Variants in PCP4 observed in about 807,000 individuals in gnomAD.
PCP4 encodes the protein Purkinje cell protein 4, also known as calmodulin regulator protein PCP4.
Under a neutral mutation model 10.0 loss-of-function variants are expected in PCP4, and 8 were observed. That is an observed-to-expected ratio of 0.80 (90% CI 0.47 to 1.45). The LOEUF (loss-of-function observed/expected upper bound fraction) is 1.45. Ranked by LOEUF, PCP4 falls within the 40% of genes most tolerant of loss-of-function variation. PCP4 has a pLI of 0.00. For missense variants in PCP4, 54 were observed against 74.4 expected (o/e 0.73, Z 1.01); for synonymous variants, 21 against 23.0 (o/e 0.91, Z 0.24).
chr21:39,901,601 A>G (rs2087482678), intron 2 of PCP4, among the ~76,000 whole-genome samples: 1 of 152,224 alleles, frequency 6.6e-6, no homozygotes, highest in Non-Finnish European at 1.5e-5. Context: ...AAACTGAGTG[A>G]GGTTTTTTAT....
At chr21:39,895,067 ACACCCATTCATCCATCCACC>A (rs1326844307) in intron 1 of PCP4, among the ~76,000 whole-genome samples, 1 of 151,048 alleles carries the variant, frequency 6.6e-6, no homozygotes, top group Non-Finnish European at 1.5e-5. Flanking sequence ...ATTCATCCAC[ACACCCATTCATCCATCCACC>A]CACCCATCCA....
rs1000218430 is a variant in PCP4, at chr21:39,928,014, T to C, written c.62-970T>C. On this transcript the variant is annotated intron_variant, in intron 2 of 2. Transcript: ENST00000328619. ...TGATGAATCTGATGTTTAGCCTTCA[T>C]CAGACTAGAGGCATTTATTATTTTA... 1.1e-4 allele frequency among the ~76,000 whole-genome samples: 17 copies of C among 152,340 alleles called. 1 individual carries two copies. The highest frequency in any genetic ancestry group is 9.1e-4 in the Admixed American group (14 of 15,304).
At chr21:39,869,802 T>A (rs1475058883) in intron 1 of PCP4, among the ~76,000 whole-genome samples, 2 of 152,264 alleles carry the variant, frequency 1.3e-5, no homozygotes, top group East Asian at 3.8e-4. Context: ...GTTGGATGAA[T>A]TAAATGTGGC....
intron 2 of PCP4, among the ~76,000 whole-genome samples, chr21:39,912,359 C>T (rs1465140479): frequency 6.7e-6 from 1 of 149,998 alleles, no homozygotes; most frequent in East Asian, 2.0e-4. Context: ...ATTTTTGATC[C>T]TGTTGCCCTG....
chr21:39,915,599 T>C (rs2037826069), intron 2 of PCP4, among the ~76,000 whole-genome samples: 1 of 152,216 alleles, frequency 6.6e-6, no homozygotes, highest in Admixed American at 6.5e-5. Context: ...ATCAAGCATC[T>C]GTCACTGTTT....
intron 1 of PCP4, among the ~76,000 whole-genome samples, chr21:39,869,400 C>T (rs1293437420): frequency 6.6e-6 from 1 of 152,232 alleles, no homozygotes; most frequent in South Asian, 2.1e-4. Context: ...GTCACCGCCC[C>T]GCCATGGCGC....
intron 1 of PCP4, among the ~76,000 whole-genome samples, chr21:39,888,651 G>A (rs1465208968): frequency 2.6e-5 from 4 of 152,200 alleles, no homozygotes; most frequent in South Asian, 4.1e-4. Flanking sequence ...TCATTCTTGG[G>A]TCTCAGCTCC....
chr21:39,894,925 A>C (rs1435585940), intron 1 of PCP4, among the ~76,000 whole-genome samples: 1 of 152,184 alleles, frequency 6.6e-6, no homozygotes, highest in Non-Finnish European at 1.5e-5. Flanking sequence ...TCACGTCATG[A>C]AAAAGAATCT....
chr21:39,925,107 C>G (rs1281683554), intron 2 of PCP4, among the ~76,000 whole-genome samples: 2 of 152,228 alleles, frequency 1.3e-5, no homozygotes, highest in Non-Finnish European at 2.9e-5. Flanking sequence ...CCCCATGAAA[C>G]AGCAGTGCTC....
At chr21:39,914,736 T>C (rs1190305484) in intron 2 of PCP4, among the ~76,000 whole-genome samples, 23 of 152,178 alleles carry the variant, frequency 1.5e-4, no homozygotes, top group Admixed American at 1.5e-3. Context: ...GTAATTATGA[T>C]TGCATTTGAC....
At chr21:39,911,291 C>T (rs2087538856) in intron 2 of PCP4, among the ~76,000 whole-genome samples, 6 of 152,096 alleles carry the variant, frequency 3.9e-5, no homozygotes, top group Admixed American at 3.9e-4. Flanking sequence ...GAAAATTTAA[C>T]ATTTCCTCTA....
chr21:39,894,544 CTAACA>C (rs2087448135), intron 1 of PCP4, among the ~76,000 whole-genome samples: 1 of 152,130 alleles, frequency 6.6e-6, no homozygotes, highest in South Asian at 2.1e-4. Flanking sequence ...TCTGCATAAC[CTAACA>C]TATTAAGCTA....
chr21:39,897,385 C>CAAA (rs34312418), intron 1 of PCP4, among the ~76,000 whole-genome samples: 2 of 87,650 alleles, frequency 2.3e-5, no homozygotes, highest in African/African-American at 4.1e-5. Flanking sequence ...GACTCTGTCT[C>CAAA]AAAAAAAAAA....
intron 2 of PCP4, among the ~76,000 whole-genome samples, chr21:39,899,167 A>G (rs2087471085): frequency 6.6e-6 from 1 of 152,184 alleles, no homozygotes; most frequent in African/African-American, 2.4e-5. Context: ...TGGGAAGTGC[A>G]TGGATCCTGA....
intron 1 of PCP4, among the ~76,000 whole-genome samples, chr21:39,891,804 G>A (rs148847139): frequency 0.02 from 3,018 of 152,310 alleles, 49 homozygotes; most frequent in Non-Finnish European, 0.032. Flanking sequence ...ATAGGTCAGC[G>A]TTTTCTTCTC....
intron 1 of PCP4, among the ~76,000 whole-genome samples, chr21:39,875,070 G>C (rs929485825): frequency 6.6e-5 from 10 of 152,170 alleles, no homozygotes; most frequent in African/African-American, 2.4e-4. Flanking sequence ...GTTAGCAGCA[G>C]GTAACTCAAA....
intron 2 of PCP4, among the ~76,000 whole-genome samples, chr21:39,920,154 TTGATGTG>T (rs993469834): frequency 1.7e-4 from 24 of 140,466 alleles, no homozygotes; most frequent in African/African-American, 4.6e-4. Flanking sequence ...TGTAGTGTGT[TTGATGTG>T]TGATGTGTGA....
rs566078414 is a variant in PCP4, at chr21:39,906,862, G to C, written c.61+8335G>C. ...CTTTGGAAACCTGCCCCAAGCAGGA[G>C]ATATTCCAGGTTTCAAATGTTTCAG... On this transcript the variant is annotated intron_variant, in intron 2 of 2. Coordinates refer to ENST00000328619, the MANE Select transcript of PCP4 (RefSeq NM_006198.3). This position sits in a 1 kb window ranked among gnomAD's most constrained non-coding sequence, Gnocchi z 6.3. Among the ~76,000 whole-genome samples the C allele has an allele frequency of 2.0e-5, 3 of 152,186 alleles. No individual in the cohort carries two copies. The highest frequency in any genetic ancestry group is 4.4e-5 in the Non-Finnish European group (3 of 68,038).
intron 2 of PCP4, among the ~76,000 whole-genome samples, chr21:39,914,585 A>AAAAG (rs1323419414): frequency 1.3e-5 from 2 of 151,546 alleles, no homozygotes; most frequent in African/African-American, 4.8e-5. Flanking sequence ...AAAAAAAAAA[A>AAAAG]AAGAAAAAAA....
Sources: allele counts gnomAD v4.1 joint callset (sites outside exome capture counted in the v4.1 genomes callset), GRCh38; gene constraint gnomAD v4.1.1; non-coding constraint Gnocchi (gnomAD v3.1); transcripts MANE v1.5; gene names NCBI Gene and HGNC (gene_info 2026-07-23, HGNC 2026-07-21).